Variants in ERBIN observed in about 807,000 individuals in gnomAD.
ERBIN encodes the protein erbb2 interacting protein.
In ERBIN, 60 loss-of-function variants were observed where a neutral mutation model predicts 158.4. The ratio of observed to expected loss-of-function variants is 0.38; its 90% CI spans 0.31 to 0.47. ERBIN has a LOEUF of 0.47. ERBIN is among the 20% of genes least tolerant of loss of function. The pLI, the probability that ERBIN is intolerant of heterozygous loss-of-function variation, is 0.99. For synonymous variants in ERBIN, 594 were observed against 557.2 expected (o/e 1.07, Z -0.93); for missense variants, 1,610 against 1,648.0 (o/e 0.98, Z 0.40).
intron 21 of ERBIN, among the ~76,000 whole-genome samples, chr5:66,062,237 G>A (rs7730197): frequency 0.018 from 2,703 of 152,138 alleles, 81 homozygotes; most frequent in African/African-American, 0.062. Context: ...GGCTTTGTTC[G>A]TTTCTTTTTA....
intron 1 of ERBIN, among the ~76,000 whole-genome samples, chr5:65,985,957 G>T (rs1249972122): frequency 6.6e-6 from 1 of 151,790 alleles, no homozygotes; most frequent in African/African-American, 2.4e-5. Context: ...CTGGCGTTTA[G>T]AATATCACAC....
At chr5:66,015,968 G>A (rs544447079) in intron 7 of ERBIN, among the ~76,000 whole-genome samples, 1 of 152,288 alleles carries the variant, frequency 6.6e-6, no homozygotes, top group African/African-American at 2.4e-5. Flanking sequence ...TAATGTTAAT[G>A]TATCTGTTTT....
intron 1 of ERBIN, among the ~76,000 whole-genome samples, chr5:65,976,597 A>G (rs577648263): frequency 0.037 from 5,572 of 150,400 alleles, 363 homozygotes; most frequent in African/African-American, 0.13. Context: ...GACAATAGTG[A>G]AGGGAAGGTC....
intron 1 of ERBIN, among the ~76,000 whole-genome samples, chr5:65,960,033 G>A (rs982186164): frequency 6.6e-6 from 1 of 152,232 alleles, no homozygotes; most frequent in African/African-American, 2.4e-5. Flanking sequence ...TCCCCAAAAT[G>A]TATAGGGAGA....
chr5:65,933,467 CT>C (rs2150844550), intron 1 of ERBIN, among the ~76,000 whole-genome samples: 1 of 152,236 alleles, frequency 6.6e-6, no homozygotes, highest in Admixed American at 6.5e-5. Context: ...AGGCAGTCTC[CT>C]TTTTTCATAA....
At chr5:66,076,696 A>G in intron 24 of ERBIN, 179 bp from the exon 25 acceptor site, 1 of 613,586 alleles carries the variant, frequency 1.6e-6, no homozygotes, top group South Asian at 2.1e-5. Flanking sequence ...AGAAATCACT[A>G]AAGTCAGAAT....
intron 4 of ERBIN, among the ~76,000 whole-genome samples, chr5:66,009,180 GC>G (rs1397315788): frequency 2.0e-5 from 3 of 152,148 alleles, no homozygotes; most frequent in African/African-American, 7.2e-5. Context: ...AGCAGACACT[GC>G]CCTTTCATTT....
intron 1 of ERBIN, among the ~76,000 whole-genome samples, chr5:65,959,212 G>A (rs1747645105): frequency 6.6e-6 from 1 of 151,928 alleles, no homozygotes; most frequent in Non-Finnish European, 1.5e-5. Flanking sequence ...TGCCAATCTG[G>A]TGGAAATAAT....
intron 1 of ERBIN, among the ~76,000 whole-genome samples, chr5:65,943,146 T>C (rs1026400109): frequency 1.3e-5 from 2 of 152,230 alleles, no homozygotes; most frequent in African/African-American, 4.8e-5. Flanking sequence ...TCTGTGGGTT[T>C]TGACAAATGT....
chr5:66,077,693 A>C (rs1762113433), intron 25 of ERBIN, among the ~76,000 whole-genome samples: 1 of 151,940 alleles, frequency 6.6e-6, no homozygotes, highest in South Asian at 2.1e-4. Context: ...CCAGTCGTTC[A>C]TAATTTGCTA....
intron 21 of ERBIN, among the ~76,000 whole-genome samples, chr5:66,068,307 G>A (rs1027611944): frequency 6.6e-5 from 10 of 151,660 alleles, no homozygotes; most frequent in African/African-American, 2.2e-4. Context: ...ATTGTACTCC[G>A]GACTGGGAGT....
At chr5:65,955,677 A>T (rs541628163) in intron 1 of ERBIN, among the ~76,000 whole-genome samples, 28 of 152,270 alleles carry the variant, frequency 1.8e-4, no homozygotes, top group African/African-American at 6.3e-4. Flanking sequence ...CTTTGAGAAA[A>T]TTTTCTCATA....
At chr5:66,064,171 C>A (rs918589393) in intron 21 of ERBIN, among the ~76,000 whole-genome samples, 2 of 151,982 alleles carry the variant, frequency 1.3e-5, no homozygotes, top group Admixed American at 1.3e-4. Context: ...ACAAACAGTG[C>A]TTTTTGAAAA....
chr5:66,039,476 CAAAG>C (rs1757733745), intron 15 of ERBIN, among the ~76,000 whole-genome samples: 1 of 151,722 alleles, frequency 6.6e-6, no homozygotes, highest in Admixed American at 6.6e-5. Context: ...TCTTCAGAGA[CAAAG>C]AAAAGTAGGA....
intron 24 of ERBIN, 148 bp downstream of exon 24, chr5:66,076,556 T>G: frequency 1.4e-6 from 1 of 689,670 alleles, no homozygotes; most frequent in Non-Finnish European, 2.5e-6. Context: ...CCTTTTTGTT[T>G]TGTAATTTGA....
At chr5:65,952,157 TA>T (rs1479832243) in intron 1 of ERBIN, among the ~76,000 whole-genome samples, 3 of 152,160 alleles carry the variant, frequency 2.0e-5, no homozygotes, top group South Asian at 2.1e-4. Flanking sequence ...CTCTTATTTT[TA>T]TATCTGTTAT....
chr5:66,075,279 AT>A (rs748403908), intron 23 of ERBIN, 49 bp downstream of exon 23: 1 of 1,411,308 alleles, frequency 7.1e-7, no homozygotes, highest in Admixed American at 1.7e-5. Flanking sequence ...CTTTTTATGT[AT>A]TTTTATAGGT....
chr5:65,992,245 G>A (rs372201247), intron 2 of ERBIN, among the ~76,000 whole-genome samples: 2 of 152,172 alleles, frequency 1.3e-5, no homozygotes, highest in African/African-American at 4.8e-5. Context: ...CACCTCCCGG[G>A]TTCAAGCCAT....
At chr5:66,012,745 C>T (rs1244422986) in intron 5 of ERBIN, among the ~76,000 whole-genome samples, 1 of 152,126 alleles carries the variant, frequency 6.6e-6, no homozygotes, top group East Asian at 1.9e-4. Context: ...TATGTATAGC[C>T]TCTTCATTTG....
Sources: gnomAD v4.1 joint callset for allele counts (sites outside exome capture counted in the v4.1 genomes callset) on GRCh38, gnomAD v4.1.1 for gene constraint, MANE v1.5 for transcripts, NCBI Gene and HGNC (gene_info 2026-07-23, HGNC 2026-07-21) for gene names.